SMC1A: variants seen among roughly 807,000 people sequenced by gnomAD.
The protein encoded by SMC1A is structural maintenance of chromosomes 1A, also known as structural maintenance of chromosomes protein 1A.
In SMC1A, 4 loss-of-function variants were observed where a neutral mutation model predicts 94.5. That is an observed-to-expected ratio of 0.04 (90% confidence interval 0.02 to 0.10). The LOEUF is 0.10. Ranked by LOEUF, SMC1A falls within the 10% of genes least tolerant of loss-of-function variation. The pLI is 1.00. For missense variants in SMC1A, 304 were observed against 989.0 expected (o/e 0.31, Z 9.29); for synonymous variants, 345 against 347.7 (o/e 0.99, Z 0.09).
chrX:53,398,976 A>G (rs2075661608), intron 16 of SMC1A, among the ~76,000 whole-genome samples: 1 of 111,609 alleles, frequency 9.0e-6, no homozygotes, highest in Non-Finnish European at 1.9e-5. Context: ...ACGGTGGCTC[A>G]TGCTTGTAAT....
At chrX:53,386,834 A>G (rs181692561) in intron 19 of SMC1A, among the ~76,000 whole-genome samples, 44 of 112,186 alleles carry the variant, frequency 3.9e-4, no homozygotes, top group Non-Finnish European at 7.1e-4. Context: ...ACCTAACTAT[A>G]TATTAAGCTG....
chrX:53,391,938 CT>C (rs1556887322), intron 19 of SMC1A, among the ~76,000 whole-genome samples: 1 of 110,627 alleles, frequency 9.0e-6, no homozygotes, highest in Non-Finnish European at 1.9e-5. Context: ...AGTAACCCCC[CT>C]ACCCCAGTTA....
chrX:53,385,327 G>A (rs990016765), intron 19 of SMC1A, among the ~76,000 whole-genome samples: 2 of 100,491 alleles, frequency 2.0e-5, no homozygotes, highest in Non-Finnish European at 4.0e-5. Context: ...CTGGAGTGCA[G>A]TGGCGCGCTC....
rs2075592098 is a variant in SMC1A at position 53,383,266 on chromosome X, G to A, written c.2974-13C>T. 8.6e-7 allele frequency: 1 copy of A among 1,165,947 alleles called. No individual in the cohort carries two copies. The highest frequency in any genetic ancestry group is 1.1e-6 in the Non-Finnish European group (1 of 872,562). On this transcript the variant is annotated splice_polypyrimidine_tract_variant and intron_variant, in intron 19 of 24. Transcript: ENST00000322213. ...CAGCCTGGGCATCCTGTAAGCCCCA[G>A]GCCCAGCAATGTCAAGAAGGGCCTG...
chrX:53,384,159 C>T (rs782167638), intron 19 of SMC1A, among the ~76,000 whole-genome samples: 1 of 111,354 alleles, frequency 9.0e-6, no homozygotes, highest in South Asian at 3.8e-4. Context: ...TGGATGGTTA[C>T]CTCATCGGGT....
In SMC1A at chrX:53,394,852, G is replaced by C; in HGVS notation, c.2899C>G (p.Gln967Glu). 8.3e-7 allele frequency: 1 copy of C among 1,198,486 alleles called. No individual in the cohort carries two copies. Among genetic ancestry groups the C allele is most frequent in the Non-Finnish European group, 1.1e-6 (1 of 886,402 alleles). Residue 967 changes from glutamine (Q) to glutamate (E), a missense_variant, in exon 19 of 25, where the codon CAG (glutamine) becomes GAG (glutamate). By Grantham distance (29) the Gln-to-Glu change is conservative. Coordinates refer to ENST00000322213, the MANE Select transcript of SMC1A (RefSeq NM_006306.4). ...CGTGCATAGATACTGGAAATTCTCT[G>C]TGAACCACTCACTGAGTCCTCCCCC... ...SQGEDSVSGS[Q>E]RISSIYAREA...
intron 7 of SMC1A, among the ~76,000 whole-genome samples, chrX:53,411,271 TACTGTCATTATC>T (rs2075711829): frequency 9.0e-6 from 1 of 111,241 alleles, no homozygotes; most frequent in Non-Finnish European, 1.9e-5. Flanking sequence ...AGATGTGAGC[TACTGTCATTATC>T]ATTGTCATTA....
chrX:53,399,808 G>A (rs2075664760), intron 15 of SMC1A, 78 bp from the exon 16 acceptor site: 2 of 1,016,343 alleles, frequency 2.0e-6, no homozygotes, highest in Non-Finnish European at 2.7e-6. Context: ...CCAACTATGG[G>A]AAGAAAGGGA....
chrX:53,388,258 T>C (rs2075613294), intron 19 of SMC1A, among the ~76,000 whole-genome samples: 1 of 111,477 alleles, frequency 9.0e-6, no homozygotes, highest in South Asian at 3.8e-4. Context: ...CACTGTGCTG[T>C]CCAATCCGGT....
At chrX:53,402,544 T>C (rs1556889051) in intron 15 of SMC1A, among the ~76,000 whole-genome samples, 1 of 104,655 alleles carries the variant, frequency 9.6e-6, no homozygotes, top group African/African-American at 3.5e-5. Flanking sequence ...AAATACCTTT[T>C]AAAAAGGTTA....
chrX:53,399,098 C>A lies in SMC1A; in HGVS notation c.2562+491G>T, dbSNP rs782099579. ...ACTAAAAATACAAAAATTAGCTGGG[C>A]GTGGTGGCAGGCACCTGTAGTCCCA... On this transcript the variant is annotated intron_variant, in intron 16 of 24. Transcript: ENST00000322213. Among the ~76,000 whole-genome samples, 4 of 110,880 alleles carry A rather than the reference C, an allele frequency of 3.6e-5. No individual in the cohort carries two copies. In the South Asian group the frequency reaches 1.5e-3, roughly 43 times the overall value.
chrX:53,387,469 G>GT (rs1428642693), intron 19 of SMC1A, among the ~76,000 whole-genome samples: 2 of 111,981 alleles, frequency 1.8e-5, no homozygotes, highest in African/African-American at 6.5e-5. Context: ...TCAATTCAAA[G>GT]TATCAATATG....
At position 53,413,130 on chromosome X, in the gene SMC1A, C is replaced by G; in HGVS notation, c.624G>C (p.Arg208=). The G allele has an allele frequency of 8.3e-7, 1 of 1,211,733 alleles. No individual in the cohort carries two copies. The highest frequency in any genetic ancestry group is 1.1e-6 in the Non-Finnish European group (1 of 895,510). ...CTACCTCATCCTTCAGGCGCTGGTA[C>G]CGGTCAGCCTGTGCAAACAGGGGAA... ...EAKQEKEEAD[R]YQRLKDEVVR... Residue 208 remains arginine, a synonymous_variant, in exon 5 of 25, where the codon CGG becomes CGC. Transcript: ENST00000322213.
At chrX:53,387,152 C>T (rs1323982471) in intron 19 of SMC1A, among the ~76,000 whole-genome samples, 3 of 111,398 alleles carry the variant, frequency 2.7e-5, no homozygotes, top group South Asian at 7.5e-4. Context: ...CCTGCCACCA[C>T]GCCCGGCTAA....
chrX:53,403,917 C>T, intron 13 of SMC1A, 24 bp from the exon 14 acceptor site: 1 of 1,053,587 alleles, frequency 9.5e-7, no homozygotes, highest in South Asian at 1.9e-5. Context: ...GTTGAGAGGA[C>T]AAAGCAGACC....
intron 19 of SMC1A, among the ~76,000 whole-genome samples, chrX:53,386,200 A>G (rs1291173140): frequency 8.9e-6 from 1 of 112,110 alleles, no homozygotes; most frequent in Non-Finnish European, 1.9e-5. Flanking sequence ...TATTGTAAAA[A>G]AAAAAGAACA....
intron 7 of SMC1A, among the ~76,000 whole-genome samples, chrX:53,409,873 G>A (rs5933541): frequency 0.017 from 1,928 of 111,472 alleles, 20 homozygotes; most frequent in Non-Finnish European, 0.027. Context: ...GCTTAATATA[G>A]GGTTGTTATT....
At position 53,388,961 on chromosome X, in the gene SMC1A, C is replaced by T. The variant is rs7063585; in HGVS notation, c.2974-5708G>A. On this transcript the variant is annotated intron_variant, in intron 19 of 24. Coordinates refer to ENST00000322213, the MANE Select transcript of SMC1A (RefSeq NM_006306.4). The stretch of plus-strand genomic sequence containing the variant: ...GCAGTGAGCCAAGATCGCGCCACTG[C>T]ACTCCAGCCTGGGCGACAGAGCAAG... 2.1e-3 allele frequency among the ~76,000 whole-genome samples: 201 copies of T among 95,765 alleles called. 1 individual carries two copies. Among genetic ancestry groups the T allele is most frequent in the Non-Finnish European group, 2.8e-3 (139 of 48,823 alleles). 83.2% of individuals were successfully genotyped at this position (95,765 alleles called of 115,157 possible). A position where few individuals can be genotyped will look rare whatever the true frequency, so the allele number is the denominator to read the frequency against.
chrX:53,381,125 G>A (rs782575447), intron 22 of SMC1A, 38 bp from the exon 23 acceptor site: 1 of 888,959 alleles, frequency 1.1e-6, no homozygotes, highest in East Asian at 3.1e-5. Context: ...CACTGAGGCG[G>A]GGAGGGGGTG....
Sources: gnomAD v4.1 joint callset for allele counts (sites outside exome capture counted in the v4.1 genomes callset) on GRCh38, gnomAD v4.1.1 for gene constraint, MANE v1.5 for transcripts, NCBI Gene and HGNC (gene_info 2026-07-23, HGNC 2026-07-21) for gene names.